PKNOX2: variants seen among roughly 807,000 people sequenced by gnomAD.
The protein encoded by PKNOX2 is homeobox protein PKNOX2.
PKNOX2 carries 14 observed loss-of-function variants against 53.1 expected under a neutral mutation model. The observed-to-expected ratio is 0.26, with a 90% CI of 0.17 to 0.41. The LOEUF (loss-of-function observed/expected upper bound fraction) is 0.41. Ranked by LOEUF, PKNOX2 falls within the 10% of genes least tolerant of loss-of-function variation. The pLI, the probability that PKNOX2 is intolerant of heterozygous loss-of-function variation, is 1.00. For synonymous variants in PKNOX2, 257 were observed against 242.8 expected, an observed-to-expected ratio of 1.06 and a Z score of -0.54; for missense variants, 496 against 602.8, an observed-to-expected ratio of 0.82 and a Z score of 1.85.
chr11:125,276,262 A>C (rs1015255496), intron 2 of PKNOX2, among the ~76,000 whole-genome samples: 1 of 152,146 alleles, frequency 6.6e-6, no homozygotes, highest in Non-Finnish European at 1.5e-5. Context: ...GGAAGATGGG[A>C]AAGGAGAGAC....
intron 2 of PKNOX2, among the ~76,000 whole-genome samples, chr11:125,263,824 A>G (rs1338509780): frequency 6.6e-6 from 1 of 152,232 alleles, no homozygotes; most frequent in Non-Finnish European, 1.5e-5. Context: ...AGTTGGAAGA[A>G]GTGTCAGGTC....
chr11:125,316,055 G>A (rs1007153838), intron 2 of PKNOX2, among the ~76,000 whole-genome samples: 1 of 152,198 alleles, frequency 6.6e-6, no homozygotes, highest in Non-Finnish European at 1.5e-5. Context: ...CAACAGCAAG[G>A]GAAGGATGGA....
At chr11:125,216,514 C>T (rs554679408) in intron 1 of PKNOX2, among the ~76,000 whole-genome samples, 2 of 152,200 alleles carry the variant, frequency 1.3e-5, no homozygotes, top group Non-Finnish European at 1.5e-5. Context: ...ACCCAGCCTG[C>T]CCCTTCTCCC....
At chr11:125,255,451 G>A (rs557879838) in intron 2 of PKNOX2, among the ~76,000 whole-genome samples, 1 of 152,264 alleles carries the variant, frequency 6.6e-6, no homozygotes, top group South Asian at 2.1e-4. Context: ...CTTGACCCTG[G>A]CTCTTATGGG....
At chr11:125,344,359 G>A (rs1054553246) in intron 3 of PKNOX2, among the ~76,000 whole-genome samples, 4 of 152,344 alleles carry the variant, frequency 2.6e-5, no homozygotes, top group Middle Eastern at 3.4e-3. Context: ...GGGAGGCCAC[G>A]CTCCTTGGGA....
intron 2 of PKNOX2, among the ~76,000 whole-genome samples, chr11:125,326,838 G>A (rs1949842319): frequency 6.6e-6 from 1 of 152,242 alleles, no homozygotes; most frequent in Non-Finnish European, 1.5e-5. Context: ...CAACATCACA[G>A]AGCAAATGTG....
At chr11:125,419,755 A>G (rs989845464) in intron 10 of PKNOX2, among the ~76,000 whole-genome samples, 1 of 151,832 alleles carries the variant, frequency 6.6e-6, no homozygotes, top group African/African-American at 2.4e-5. Context: ...CATGGGAAGA[A>G]TGGGGCCAGG....
intron 3 of PKNOX2, among the ~76,000 whole-genome samples, chr11:125,341,113 G>A (rs1450953641): frequency 2.1e-5 from 3 of 144,140 alleles, no homozygotes; most frequent in African/African-American, 7.9e-5. Flanking sequence ...TATAATCCCA[G>A]AACTTTGGAA....
chr11:125,305,095 G>A (rs1008468095), intron 2 of PKNOX2, among the ~76,000 whole-genome samples: 7 of 152,180 alleles, frequency 4.6e-5, no homozygotes, highest in South Asian at 2.1e-4. Flanking sequence ...CACTCACCTC[G>A]TCTTGAAGAT....
intron 2 of PKNOX2, among the ~76,000 whole-genome samples, chr11:125,262,014 C>T (rs1303149345): frequency 1.3e-5 from 2 of 152,164 alleles, no homozygotes; most frequent in African/African-American, 2.4e-5. Context: ...CAGAGCAGCC[C>T]TCCAGTCCCC....
intron 2 of PKNOX2, among the ~76,000 whole-genome samples, chr11:125,306,864 T>C (rs553799182): frequency 1.1e-4 from 17 of 152,324 alleles, no homozygotes; most frequent in African/African-American, 3.6e-4. Flanking sequence ...ACAAATTGCA[T>C]CTTTCTTCCC....
chr11:125,361,724 C>CT (rs1443108013), intron 4 of PKNOX2, among the ~76,000 whole-genome samples: 2 of 152,166 alleles, frequency 1.3e-5, no homozygotes, highest in African/African-American at 4.8e-5. Context: ...TTTATGGGTG[C>CT]TGGAAAGACC....
chr11:125,315,820 C>A (rs954857623), intron 2 of PKNOX2, among the ~76,000 whole-genome samples: 1 of 152,122 alleles, frequency 6.6e-6, no homozygotes, highest in African/African-American at 2.4e-5. Flanking sequence ...CCCAGTGCCA[C>A]CCCCTACCCG....
At chr11:125,281,622 AAC>A (rs1280460783) in intron 2 of PKNOX2, among the ~76,000 whole-genome samples, 4 of 152,246 alleles carry the variant, frequency 2.6e-5, no homozygotes, top group Non-Finnish European at 5.9e-5. Flanking sequence ...GTAGCCGGAT[AAC>A]ACAGGTGCTC....
At chr11:125,402,662 G>T (rs1015951546) in intron 7 of PKNOX2, among the ~76,000 whole-genome samples, 3 of 152,174 alleles carry the variant, frequency 2.0e-5, no homozygotes, top group African/African-American at 7.2e-5. Flanking sequence ...TGTCAGCCGT[G>T]AAATGCTCAG....
chr11:125,189,240 A>G (rs1018771677), intron 1 of PKNOX2, among the ~76,000 whole-genome samples: 5 of 150,700 alleles, frequency 3.3e-5, no homozygotes, highest in African/African-American at 1.2e-4. Flanking sequence ...TTGGTGCCAC[A>G]TTTATGTTTT....
intron 1 of PKNOX2, among the ~76,000 whole-genome samples, chr11:125,222,709 CTGTGTATGTGTG>C (rs984299489): frequency 1.4e-4 from 18 of 126,996 alleles, no homozygotes; most frequent in African/African-American, 2.7e-4. Flanking sequence ...TGTGTGTGTG[CTGTGTATGTGTG>C]TGTGTATGTG....
chr11:125,175,772 A>G (rs1955667581), intron 1 of PKNOX2, among the ~76,000 whole-genome samples: 1 of 152,180 alleles, frequency 6.6e-6, no homozygotes, highest in African/African-American at 2.4e-5. Flanking sequence ...TTTCCCCATC[A>G]GTCAACTGGT....
At chr11:125,411,502 CTCTCT>C (rs1955528636) in intron 9 of PKNOX2, 22 of 467,124 alleles carry the variant, frequency 4.7e-5, no homozygotes, top group Middle Eastern at 6.7e-4. Flanking sequence ...CTCTCTCTCT[CTCTCT>C]CTCCCCCCCT....
Sources: allele counts gnomAD v4.1 joint callset (sites outside exome capture counted in the v4.1 genomes callset), GRCh38; gene constraint gnomAD v4.1.1; transcripts MANE v1.5; gene names NCBI Gene and HGNC (gene_info 2026-07-23, HGNC 2026-07-21).